The following WDR93 variants were observed in gnomAD, a reference collection of about 807,000 sequenced individuals.
WDR93 encodes the protein WD repeat domain 93, also known as WD repeat-containing protein 93.
In WDR93, 73 loss-of-function variants were observed where a neutral mutation model predicts 82.9. That is an observed-to-expected ratio of 0.88 (90% CI 0.73 to 1.07). The LOEUF (loss-of-function observed/expected upper bound fraction) is 1.07. WDR93 is among the 50% of genes least tolerant of loss of function. The probability of loss-of-function intolerance (pLI) is 0.00; values close to 1 mark genes in which losing one functional copy is unlikely to be tolerated. For synonymous variants in WDR93, 283 were observed against 300.1 expected, an observed-to-expected ratio of 0.94 and a Z score of 0.59; for missense variants, 738 against 826.0, an observed-to-expected ratio of 0.89 and a Z score of 1.31.
Position 89,703,106 on chromosome 15 carries a change from G to A in WDR93, c.460G>A (p.Gly154Arg), listed in dbSNP as rs1596073044. 1 of 1,614,108 alleles carries A rather than the reference G, an allele frequency of 6.2e-7. No individual in the cohort carries two copies. The highest frequency in any genetic ancestry group is 8.5e-7 in the Non-Finnish European group (1 of 1,180,014). The change falls in exon 3 of 17, where the codon GGG becomes AGG. Residue 154 changes from glycine to arginine, a missense_variant. By Grantham distance (125) the Gly-to-Arg change is moderately radical (BLOSUM62 -2). Transcript: ENST00000268130. ...DVTSIWATDL[G>R]NEILIAPVDE... ...CACTTCCATCTGGGCCACAGATTTA[G>A]GGAATGAAATACTCATTGCTCCTGT...
intron 11 of WDR93, among the ~76,000 whole-genome samples, chr15:89,731,229 G>A (rs1212354521): frequency 6.6e-6 from 1 of 152,188 alleles, no homozygotes; most frequent in South Asian, 2.1e-4. Flanking sequence ...AACATTAGCT[G>A]TAGAGTAATA....
At chr15:89,736,936 T>C (rs551574102) in intron 14 of WDR93, among the ~76,000 whole-genome samples, 18 of 152,038 alleles carry the variant, frequency 1.2e-4, no homozygotes, top group African/African-American at 3.6e-4. Context: ...GGACTACAGG[T>C]GCCCGCTAGC....
At chr15:89,701,466 C>T (rs1965460960) in intron 1 of WDR93, among the ~76,000 whole-genome samples, 1 of 152,164 alleles carries the variant, frequency 6.6e-6, no homozygotes, top group Non-Finnish European at 1.5e-5. Flanking sequence ...GTATAAAATT[C>T]CTCTTTCCTT....
At chr15:89,717,660 A>G (rs190726592) in intron 7 of WDR93, among the ~76,000 whole-genome samples, 1 of 152,334 alleles carries the variant, frequency 6.6e-6, no homozygotes, top group East Asian at 1.9e-4. Context: ...TGTAACCATA[A>G]TCACTTAATT....
At chr15:89,737,916 C>A in intron 15 of WDR93, 125 bp from the exon 16 acceptor site, 1 of 1,328,912 alleles carries the variant, frequency 7.5e-7, no homozygotes, top group Non-Finnish European at 1.0e-6. Flanking sequence ...TCTCTGAAGT[C>A]ACAGCTCAAC....
chr15:89,694,681 A>C (rs1465060213), intron 1 of WDR93, among the ~76,000 whole-genome samples: 1 of 152,250 alleles, frequency 6.6e-6, no homozygotes, highest in East Asian at 1.9e-4. Context: ...GAAGAAACAC[A>C]AGTTTATTTT....
At chr15:89,737,539 T>G (rs1390301234) in intron 14 of WDR93, 34 bp from the exon 15 acceptor site, 1 of 1,613,482 alleles carries the variant, frequency 6.2e-7, no homozygotes, top group Non-Finnish European at 8.5e-7. Flanking sequence ...CAGAGTCCAG[T>G]AGAAGCCCCC....
intron 1 of WDR93, among the ~76,000 whole-genome samples, chr15:89,700,509 T>TA (rs1965402989): frequency 6.6e-6 from 1 of 152,026 alleles, no homozygotes. Flanking sequence ...AATATTTTTT[T>TA]AAAAACTGTA....
In WDR93 at chr15:89,701,772, C is replaced by A; in HGVS notation, c.26C>A (p.Thr9Asn). 1 of 1,612,684 alleles carries A rather than the reference C, an allele frequency of 6.2e-7. No homozygotes were observed. The stretch of plus-strand genomic sequence containing the variant: ...ATGTCATTCCCAAGAGGAAGTCAGA[C>A]CCAGAAAATAAAGCACCCCATTGGT... MSFPRGSQ[T>N]QKIKHPIGTR... Residue 9 changes from threonine (T) to asparagine (N), a missense_variant, in exon 2 of 17, where the codon ACC becomes AAC. Coordinates refer to ENST00000268130, the MANE Select transcript of WDR93 (RefSeq NM_020212.2).
chr15:89,743,380 T>C lies in WDR93; in HGVS notation c.2050T>C (p.Phe684Leu). 1 of 1,614,094 alleles carries C rather than the reference T, an allele frequency of 6.2e-7. No homozygotes were observed. The highest frequency in any genetic ancestry group is 8.5e-7 in the Non-Finnish European group (1 of 1,180,006). ...CTCCTTGTCGCTCCAGAGAGAGAACTTCAAGAAGTGAGGCTGCCACCGCCC... is the reference window on the plus strand; with the variant it reads ...CTCCTTGTCGCTCCAGAGAGAGAACCTCAAGAAGTGAGGCTGCCACCGCCC... The part of the protein sequence containing the change: ...RYSLSLQREN[F>L]KK The change falls in exon 17 of 17, where the codon TTC becomes CTC. Residue 684 changes from phenylalanine (F) to leucine (L), a missense_variant. Coordinates refer to ENST00000268130, the MANE Select transcript of WDR93 (RefSeq NM_020212.2).
rs746309088 is a variant in WDR93 at position 89,743,355 on chromosome 15, C to T, written c.2025C>T (p.Tyr675=). The T allele has an allele frequency of 6.2e-7, 1 of 1,614,174 alleles. No individual in the cohort carries two copies. Among genetic ancestry groups the T allele is most frequent in the South Asian group, 1.1e-5 (1 of 91,080 alleles). Residue 675 remains tyrosine, a synonymous_variant, in exon 17 of 17, where the codon TAC becomes TAT. Transcript: ENST00000268130. The part of the protein sequence containing the change: ...EEEHWARLQR[Y]SLSLQRENFK... Reference sequence around the variant, plus strand: ...AGCACTGGGCCCGGCTTCAGAGGTACTCCTTGTCGCTCCAGAGAGAGAACT... The same window carrying T: ...AGCACTGGGCCCGGCTTCAGAGGTATTCCTTGTCGCTCCAGAGAGAGAACT...
At chr15:89,723,670 C>G (rs1309888735) in intron 8 of WDR93, among the ~76,000 whole-genome samples, 1 of 151,946 alleles carries the variant, frequency 6.6e-6, no homozygotes, top group Non-Finnish European at 1.5e-5. Flanking sequence ...GTGAATGAAG[C>G]AGGATACAGA....
At chr15:89,737,317 G>A (rs996409801) in intron 14 of WDR93, among the ~76,000 whole-genome samples, 1 of 152,212 alleles carries the variant, frequency 6.6e-6, no homozygotes, top group Non-Finnish European at 1.5e-5. Context: ...ACTTGGAAGA[G>A]AGGCTGGGAA....
At chr15:89,736,584 G>A (rs569434438) in intron 14 of WDR93, among the ~76,000 whole-genome samples, 2 of 152,154 alleles carry the variant, frequency 1.3e-5, no homozygotes, top group Admixed American at 6.5e-5. Context: ...AACTGCATGG[G>A]GACAGTCCTG....
intron 12 of WDR93, 87 bp downstream of exon 12, chr15:89,731,649 G>T: frequency 6.4e-7 from 1 of 1,572,776 alleles, no homozygotes; most frequent in South Asian, 1.2e-5. Context: ...CAGGCCCTGG[G>T]CCTTCTGTTA....
intron 9 of WDR93, among the ~76,000 whole-genome samples, chr15:89,728,765 G>T (rs554604329): frequency 1.3e-5 from 2 of 152,294 alleles, no homozygotes; most frequent in East Asian, 3.9e-4. Flanking sequence ...CCAAAAGACA[G>T]CTGTCTCTGG....
intron 11 of WDR93, among the ~76,000 whole-genome samples, chr15:89,730,915 T>C (rs957611713): frequency 1.3e-5 from 2 of 152,150 alleles, no homozygotes; most frequent in Non-Finnish European, 2.9e-5. Flanking sequence ...AGCAGTCACA[T>C]GAGCAAGTTT....
chr15:89,722,147 T>C lies in WDR93; in HGVS notation c.880+8T>C. On this transcript the variant is annotated splice_region_variant and intron_variant, in intron 8 of 16. Transcript: ENST00000268130. Reference sequence around the variant, plus strand: ...CACCTAAGCCTGTTACAGGTAAGTGTGATTCAAATCTCTCTCCTTTTGCCA... The same window carrying C: ...CACCTAAGCCTGTTACAGGTAAGTGCGATTCAAATCTCTCTCCTTTTGCCA... 33 of 1,576,284 alleles carry C rather than the reference T, an allele frequency of 2.1e-5. No individual in the cohort carries two copies. Among genetic ancestry groups the C allele is most frequent in the Non-Finnish European group, 2.9e-5 (33 of 1,156,810 alleles).
intron 4 of WDR93, among the ~76,000 whole-genome samples, chr15:89,708,777 T>C (rs1965834140): frequency 6.6e-6 from 1 of 152,188 alleles, no homozygotes; most frequent in South Asian, 2.1e-4. Context: ...GCAAGGCAAG[T>C]AGATCTGCAG....
Sources: allele counts gnomAD v4.1 joint callset (sites outside exome capture counted in the v4.1 genomes callset), GRCh38; gene constraint gnomAD v4.1.1; transcripts MANE v1.5; gene names NCBI Gene and HGNC (gene_info 2026-07-23, HGNC 2026-07-21).